GPBP1L1: variants seen among roughly 807,000 people sequenced by gnomAD.
GPBP1L1 encodes the protein vasculin-like protein 1.
A neutral mutation model predicts 52.5 loss-of-function variants in GPBP1L1; 23 were observed. That is an observed-to-expected ratio of 0.44 (90% CI 0.32 to 0.62). The LOEUF (loss-of-function observed/expected upper bound fraction) is 0.62. GPBP1L1 is among the 20% of genes least tolerant of loss of function. The probability of loss-of-function intolerance (pLI) is 0.06; values close to 1 mark genes in which losing one functional copy is unlikely to be tolerated. For missense variants in GPBP1L1, 596 were observed against 579.3 expected (o/e 1.03, Z -0.30); for synonymous variants, 243 against 203.1 (o/e 1.20, Z -1.67).
intron 8 of GPBP1L1, among the ~76,000 whole-genome samples, chr1:45,636,577 G>C (rs1408840414): frequency 2.0e-5 from 3 of 152,044 alleles, no homozygotes; most frequent in Non-Finnish European, 4.4e-5. Flanking sequence ...CCATTTTCTG[G>C]TTAACAACAG....
chr1:45,660,640 G>A lies in GPBP1L1; in HGVS notation c.-512C>T. On this transcript the variant is annotated 5_prime_UTR_variant, in exon 3 of 13. Coordinates refer to ENST00000355105, the MANE Select transcript of GPBP1L1 (RefSeq NM_021639.5). Reference sequence around the variant, plus strand: ...AGTGTGGACAAATAATGTCATCAAGGTAATAGATCAAAAATATTAAAGCCC... The same window carrying A: ...AGTGTGGACAAATAATGTCATCAAGATAATAGATCAAAAATATTAAAGCCC... 1.3e-6 allele frequency: 1 copy of A among 761,184 alleles called. No individual in the cohort carries two copies. The highest frequency in any genetic ancestry group is 6.0e-5 in the South Asian group (1 of 16,802). The allele number at this position is 761,184 out of a possible 1,614,324, so 47.2% of individuals were successfully genotyped here.
chr1:45,657,616 G>A (rs1385405426), intron 4 of GPBP1L1, among the ~76,000 whole-genome samples: 2 of 152,138 alleles, frequency 1.3e-5, no homozygotes, highest in Non-Finnish European at 2.9e-5. Context: ...CACTTTTGGA[G>A]GCTGAGGTGA....
chr1:45,640,366 T>C lies in GPBP1L1; in HGVS notation c.588A>G (p.Leu196=), dbSNP rs1644655981. 1.2e-6 allele frequency: 2 copies of C among 1,614,134 alleles called. No individual in the cohort carries two copies. Among genetic ancestry groups the C allele is most frequent in the Non-Finnish European group, 1.7e-6 (2 of 1,180,014 alleles). Reference sequence around the variant, plus strand: ...CCTCTTTGGAAACTTTTTTGATAACTAGCATCTTGGAGGGTTGCTTGGCAC... The same window carrying C: ...CCTCTTTGGAAACTTTTTTGATAACCAGCATCTTGGAGGGTTGCTTGGCAC... ...PPSAKQPSKM[L]VIKKVSKEDP... is the part of the protein sequence containing the mutation. The change falls in exon 8 of 13, where the codon CTA becomes CTG. Residue 196 remains leucine (L), a synonymous_variant. Coordinates refer to ENST00000355105, the MANE Select transcript of GPBP1L1 (RefSeq NM_021639.5).
intron 6 of GPBP1L1, chr1:45,651,939 T>C (rs1181846417): frequency 1.8e-5 from 3 of 165,246 alleles, no homozygotes; most frequent in African/African-American, 7.2e-5. Flanking sequence ...TTTTACAAAC[T>C]GAATTTCCAT....
chr1:45,638,437 T>C lies in GPBP1L1; in HGVS notation c.744+1773A>G, dbSNP rs113909823. ...ATCACTAAGGTTTTTTCTCAGTTAT[T>C]TTCCTCAACTTGTTACCCCTGTTGC... is the stretch of plus-strand genomic sequence containing the variant. On this transcript the variant is annotated intron_variant, in intron 8 of 12. Coordinates refer to ENST00000355105, the MANE Select transcript of GPBP1L1 (RefSeq NM_021639.5). Among the ~76,000 whole-genome samples, 200 of 152,340 alleles carry C rather than the reference T, an allele frequency of 1.3e-3. 4 individuals are homozygous for C. The highest frequency in any genetic ancestry group is 4.7e-3 in the African/African-American group (197 of 41,576).
chr1:45,629,537 G>GT (rs748699935), intron 12 of GPBP1L1, 39 bp downstream of exon 12: 6 of 1,168,082 alleles, frequency 5.1e-6, no homozygotes, highest in Non-Finnish European at 6.1e-6. Flanking sequence ...TATTCTCCTG[G>GT]TTACTAACTG....
At position 45,633,583 on chromosome 1, in the gene GPBP1L1, C is replaced by T. The variant is rs749074414; in HGVS notation, c.950G>A (p.Arg317Gln). 2.3e-5 allele frequency: 37 copies of T among 1,613,484 alleles called. No individual in the cohort carries two copies. Among genetic ancestry groups the T allele is most frequent in the Non-Finnish European group, 2.9e-5 (34 of 1,179,906 alleles). ...GAACTCACTCTTCCTGTCGGTGGTT[C>T]GGCGGGTCAACTTGGTCAGACGAGA... ...SSSRLTKLTR[R>Q]TTDRKSEFLK... Residue 317 changes from arginine to glutamine, a missense_variant, in exon 10 of 13, where the codon CGA (arginine) becomes CAA (glutamine). Transcript: ENST00000355105.
chr1:45,665,936 G>A, intron 2 of GPBP1L1, among the ~76,000 whole-genome samples: 1 of 151,812 alleles, frequency 6.6e-6, no homozygotes, highest in East Asian at 1.9e-4. Flanking sequence ...TCTGTTCCTA[G>A]ACTTAGGTTG....
upstream of GPBP1L1, chr1:45,688,007 T>G (rs948054091): frequency 6.6e-6 from 1 of 152,234 alleles, no homozygotes; most frequent in East Asian, 1.9e-4. Flanking sequence ...CAGATTCTGC[T>G]GCCTGGGAGC....
chr1:45,662,276 G>A (rs1279534205), intron 2 of GPBP1L1, among the ~76,000 whole-genome samples: 3 of 151,936 alleles, frequency 2.0e-5, no homozygotes, highest in African/African-American at 7.3e-5. Context: ...AAAAACCATG[G>A]GACTACAGAT....
chr1:45,666,707 T>C (rs1013212060), intron 2 of GPBP1L1, among the ~76,000 whole-genome samples: 88 of 152,320 alleles, frequency 5.8e-4, no homozygotes, highest in African/African-American at 2.1e-3. Context: ...TCTAGGTATA[T>C]ATCCAAGAGA....
At chr1:45,650,626 A>G (rs1318638587) in intron 6 of GPBP1L1, among the ~76,000 whole-genome samples, 1 of 152,222 alleles carries the variant, frequency 6.6e-6, no homozygotes, top group African/African-American at 2.4e-5. Flanking sequence ...AATACAGAAA[A>G]TCTACTGCAA....
At chr1:45,631,886 T>C (rs1484273949) in intron 10 of GPBP1L1, among the ~76,000 whole-genome samples, 5 of 152,082 alleles carry the variant, frequency 3.3e-5, no homozygotes, top group Non-Finnish European at 7.4e-5. Context: ...TTAATGCCAC[T>C]GCATTCAGCC....
At chr1:45,647,894 A>C (rs1644771658) in intron 6 of GPBP1L1, among the ~76,000 whole-genome samples, 1 of 151,996 alleles carries the variant, frequency 6.6e-6, no homozygotes, top group South Asian at 2.1e-4. Context: ...CTTAGCCCTA[A>C]GGGTAGTGGC....
intron 9 of GPBP1L1, 107 bp from the exon 10 acceptor site, chr1:45,633,754 T>C: frequency 2.6e-6 from 3 of 1,157,654 alleles, no homozygotes; most frequent in Non-Finnish European, 2.4e-6. Context: ...TTTATCACTC[T>C]GTCTTAAACC....
chr1:45,677,620 TAAAC>T (rs958935976), intron 2 of GPBP1L1, among the ~76,000 whole-genome samples: 2 of 151,978 alleles, frequency 1.3e-5, no homozygotes, highest in African/African-American at 4.8e-5. Context: ...GAAAAAAATA[TAAAC>T]AAACAAAAAT....
chr1:45,649,801 G>A (rs1021350431), intron 6 of GPBP1L1, among the ~76,000 whole-genome samples: 4 of 152,116 alleles, frequency 2.6e-5, no homozygotes, highest in African/African-American at 4.8e-5. Context: ...CAACCAGAAA[G>A]TTCCCTTCAT....
chr1:45,649,659 G>C (rs2148459905), intron 6 of GPBP1L1, among the ~76,000 whole-genome samples: 1 of 151,830 alleles, frequency 6.6e-6, no homozygotes, highest in South Asian at 2.1e-4. Context: ...TTTCACTACT[G>C]GTAATTTTAA....
chr1:45,634,044 G>A (rs1233820488), intron 9 of GPBP1L1, 52 bp downstream of exon 9: 5 of 1,535,230 alleles, frequency 3.3e-6, no homozygotes, highest in African/African-American at 2.7e-5. Flanking sequence ...TTATCTAAGT[G>A]AACGGGAAAT....
Sources: gnomAD v4.1 joint callset for allele counts (sites outside exome capture counted in the v4.1 genomes callset) on GRCh38, gnomAD v4.1.1 for gene constraint, MANE v1.5 for transcripts, NCBI Gene and HGNC (gene_info 2026-07-23, HGNC 2026-07-21) for gene names.